The following CCL4L2 variants were observed in gnomAD, a reference collection of about 807,000 sequenced individuals.
CCL4L2 encodes C-C motif chemokine 4-like.
A neutral mutation model predicts 5.9 loss-of-function variants in CCL4L2; 3 were observed. That is an observed-to-expected ratio of 0.51 (90% CI 0.23 to 1.32). The LOEUF (loss-of-function observed/expected upper bound fraction) is 1.32. Among genes scored for constraint, CCL4L2 ranks in the 40% most tolerant of loss-of-function variants. The pLI is 0.18. For synonymous variants in CCL4L2, 36 were observed against 47.6 expected, an observed-to-expected ratio of 0.76 and a Z score of 1.00; for missense variants, 74 against 121.2, an observed-to-expected ratio of 0.61 and a Z score of 1.83.
intron 2 of CCL4L2, 186 bp downstream of exon 2, chr17:36,212,076 G>A: frequency 1.2e-6 from 1 of 811,950 alleles, no homozygotes. Context: ...CTGAGTGGCA[G>A]CCGAGACAGA....
chr17:36,212,213 T>G (rs1341090069), intron 2 of CCL4L2: 2 of 710,006 alleles, frequency 2.8e-6, no homozygotes, highest in African/African-American at 1.7e-5. Flanking sequence ...ACTACCAGGC[T>G]GGCAGGGAAT....
Position 36,212,524 on chromosome 17 carries a change from T to A in CCL4L2, c.*101T>A. 1 of 1,581,456 alleles carries A rather than the reference T, an allele frequency of 6.3e-7. No homozygotes were observed. The highest frequency in any genetic ancestry group is 8.6e-7 in the Non-Finnish European group (1 of 1,156,540). On this transcript the variant is annotated 3_prime_UTR_variant, in exon 3 of 3. Transcript: ENST00000617405. The stretch of plus-strand genomic sequence containing the variant: ...GCAAGCAAGTCTGCGCTGACCCCAG[T>A]GAGTCCTGGGTCCAGGAGTACGTGT...
rs1211063127 is a variant in CCL4L2, at chr17:36,212,525, G to A, written c.*102G>A. On this transcript the variant is annotated 3_prime_UTR_variant, in exon 3 of 3. Coordinates refer to ENST00000617405, the MANE Select transcript of CCL4L2 (RefSeq NM_001291475.2). ...CAAGCAAGTCTGCGCTGACCCCAGT[G>A]AGTCCTGGGTCCAGGAGTACGTGTA... The A allele has an allele frequency of 2.5e-6, 4 of 1,581,334 alleles. No individual in the cohort carries two copies. The highest frequency in any genetic ancestry group is 3.5e-6 in the Non-Finnish European group (4 of 1,156,560).
chr17:36,211,969 G>T, intron 2 of CCL4L2, 79 bp downstream of exon 2: 5 of 1,450,416 alleles, frequency 3.4e-6, no homozygotes, highest in African/African-American at 1.3e-5. Flanking sequence ...TGGGGAGGGG[G>T]TGATGAGCGT....
chr17:36,212,298 T>G lies in CCL4L2; in HGVS notation c.192-5T>G. Reference sequence around the variant, plus strand: ...GCAACCCCTGGGGCCCACAGCTAAATCCAGTGAGTGGAAGTTACAGGGAGT... The same window carrying G: ...GCAACCCCTGGGGCCCACAGCTAAAGCCAGTGAGTGGAAGTTACAGGGAGT... On this transcript the variant is annotated splice_polypyrimidine_tract_variant and splice_region_variant and intron_variant, in intron 2 of 2. Coordinates refer to ENST00000617405, the MANE Select transcript of CCL4L2 (RefSeq NM_001291475.2). 1.1e-6 allele frequency: 1 copy of G among 880,558 alleles called. No individual in the cohort carries two copies. The highest frequency in any genetic ancestry group is 1.4e-5 in the South Asian group (1 of 71,642). 54.5% of individuals were successfully genotyped at this position (880,558 alleles called of 1,614,324 possible). A position where few individuals can be genotyped will look rare whatever the true frequency, so the allele number is the denominator to read the frequency against.
rs1197025656 is a variant in CCL4L2, at chr17:36,212,756, G to A, written c.*333G>A. ...CATTATTTATATTAGTTTAGCCAAA[G>A]GATAAGTGTCCCCTATGGGGATGGT... On this transcript the variant is annotated 3_prime_UTR_variant, in exon 3 of 3. Transcript: ENST00000617405. 4 of 803,042 alleles carry A rather than the reference G, an allele frequency of 5.0e-6. No individual in the cohort carries two copies. Among genetic ancestry groups the A allele is most frequent in the African/African-American group, 4.6e-5 (3 of 65,392 alleles). The allele number at this position is 803,042 out of a possible 1,614,324, so 49.7% of individuals were successfully genotyped here.
At chr17:36,212,174 A>C in intron 2 of CCL4L2, 1 of 699,990 alleles carries the variant, frequency 1.4e-6, no homozygotes, top group South Asian at 1.5e-5. Context: ...AATTCCTTAA[A>C]CCATGCTAGA....
chr17:36,212,016 CA>C, intron 2 of CCL4L2, 126 bp downstream of exon 2: 1 of 1,143,732 alleles, frequency 8.7e-7, no homozygotes, highest in South Asian at 1.3e-5. Context: ...CCTTCCCTGA[CA>C]GCAGTGAGGT....
At position 36,212,124 on chromosome 17, in the gene CCL4L2, G is replaced by A. The variant is rs2068793512; in HGVS notation, c.192-179G>A. 2.5e-5 allele frequency: 18 copies of A among 706,398 alleles called. 2 individuals carry two copies. Among genetic ancestry groups the A allele is most frequent in the South Asian group, 2.3e-4 (15 of 64,908 alleles). The allele number at this position is 706,398 out of a possible 1,614,324, so 43.8% of individuals were successfully genotyped here. A position where few individuals can be genotyped will look rare whatever the true frequency, so the allele number is the denominator to read the frequency against. ...GGGAGGAAGTTATTCAGAGGACAGGGAAGCAGGGGAAGGCAGACAGGTCCC... is the reference window on the plus strand; with the variant it reads ...GGGAGGAAGTTATTCAGAGGACAGGAAAGCAGGGGAAGGCAGACAGGTCCC... On this transcript the variant is annotated intron_variant, in intron 2 of 2. Coordinates refer to ENST00000617405, the MANE Select transcript of CCL4L2 (RefSeq NM_001291475.2).
Position 36,212,348 on chromosome 17 carries a change from G to T in CCL4L2, c.237G>T (p.Lys79Asn), listed in dbSNP as rs1266467380. 7.1e-6 allele frequency: 8 copies of T among 1,120,842 alleles called. No individual in the cohort carries two copies. Among genetic ancestry groups the T allele is most frequent in the Non-Finnish European group, 9.6e-6 (7 of 732,890 alleles). 69.4% of individuals were successfully genotyped at this position (1,120,842 alleles called of 1,614,324 possible). The change falls in exon 3 of 3, where the codon AAG becomes AAT. Residue 79 changes from lysine to asparagine, a missense_variant. By Grantham distance (94) the Lys-to-Asn change is moderately conservative. Coordinates refer to ENST00000617405, the MANE Select transcript of CCL4L2 (RefSeq NM_001291475.2). ...TCTGCTTCCAGTGCTGCTCCGGGAA[G>T]GATCCCATCCACCAGAGCTGCCCCA...
In CCL4L2 at chr17:36,212,646, A is replaced by G. The variant is rs2068811241; in HGVS notation, c.*223A>G. 4 of 1,468,242 alleles carry G rather than the reference A, an allele frequency of 2.7e-6. 1 individual carries two copies. Among genetic ancestry groups the G allele is most frequent in the Admixed American group, 1.7e-5 (1 of 58,544 alleles). 91.0% of individuals were successfully genotyped at this position (1,468,242 alleles called of 1,614,324 possible). On this transcript the variant is annotated 3_prime_UTR_variant, in exon 3 of 3. Coordinates refer to ENST00000617405, the MANE Select transcript of CCL4L2 (RefSeq NM_001291475.2). ...TCTCCATGAGCCGCATCTCCTCCAT[A>G]CTCAGGACTCCTCTCCGCAGTTCCT...
intron 2 of CCL4L2, chr17:36,212,098 G>C: frequency 1.3e-6 from 1 of 744,828 alleles, no homozygotes; most frequent in Non-Finnish European, 2.4e-6. Flanking sequence ...GGGGGTTCCT[G>C]GGGAGGAAGT....
chr17:36,212,363 G>A lies in CCL4L2; in HGVS notation c.252G>A (p.Gln84=), dbSNP rs2068801611. ...GCTCCGGGAAGGATCCCATCCACCA[G>A]AGCTGCCCCACATGGACCATGGTCA... is the stretch of plus-strand genomic sequence containing the variant. The change falls in exon 3 of 3, where the codon CAG becomes CAA. Residue 84 remains glutamine (Q), a synonymous_variant. Transcript: ENST00000617405. The A allele has an allele frequency of 5.6e-6, 7 of 1,256,200 alleles. No homozygotes were observed. The highest frequency in any genetic ancestry group is 8.2e-6 in the Non-Finnish European group (7 of 855,902). The allele number at this position is 1,256,200 out of a possible 1,614,324, so 77.8% of individuals were successfully genotyped here. A position where few individuals can be genotyped will look rare whatever the true frequency, so the allele number is the denominator to read the frequency against.
chr17:36,212,274 C>G, intron 2 of CCL4L2: 1 of 798,918 alleles, frequency 1.3e-6, no homozygotes. Context: ...CTAATCTGGG[C>G]AACCCCTGGG....
At position 36,211,700 on chromosome 17, in the gene CCL4L2, T is replaced by C. The variant is rs1490425654; in HGVS notation, c.77-76T>C. On this transcript the variant is annotated intron_variant, in intron 1 of 2. Transcript: ENST00000617405. The stretch of plus-strand genomic sequence containing the variant: ...CTGGTAGCTCCACAGGGATGCTCAA[T>C]GAAGATGCAAAATTAGAAGTCAAAA... The C allele has an allele frequency of 6.7e-6, 10 of 1,490,796 alleles. 1 individual carries two copies. Among genetic ancestry groups the C allele is most frequent in the South Asian group, 2.3e-5 (2 of 86,668 alleles). 92.3% of individuals were successfully genotyped at this position (1,490,796 alleles called of 1,614,324 possible).
chr17:36,212,856 T>C lies in CCL4L2; in HGVS notation c.*433T>C. Reference sequence around the variant, plus strand: ...ATTCCATGTGTTTTCATAATAAAACTTTAAAATAAAATGCAAACAGTTTCT... The same window carrying C: ...ATTCCATGTGTTTTCATAATAAAACCTTAAAATAAAATGCAAACAGTTTCT... On this transcript the variant is annotated 3_prime_UTR_variant, in exon 3 of 3. Transcript: ENST00000617405. The C allele has an allele frequency of 2.0e-6, 1 of 495,384 alleles. No individual in the cohort carries two copies. Among genetic ancestry groups the C allele is most frequent in the Non-Finnish European group, 3.8e-6 (1 of 266,404 alleles). 30.7% of individuals were successfully genotyped at this position (495,384 alleles called of 1,614,324 possible).
In CCL4L2 at chr17:36,211,693, T is replaced by C; in HGVS notation, c.77-83T>C. 10 of 1,448,320 alleles carry C rather than the reference T, an allele frequency of 6.9e-6. 1 individual carries two copies. The highest frequency in any genetic ancestry group is 9.6e-6 in the Non-Finnish European group (10 of 1,038,124). 89.7% of individuals were successfully genotyped at this position (1,448,320 alleles called of 1,614,324 possible). On this transcript the variant is annotated intron_variant, in intron 1 of 2. Coordinates refer to ENST00000617405, the MANE Select transcript of CCL4L2 (RefSeq NM_001291475.2). ...TGGGGTTCTGGTAGCTCCACAGGGA[T>C]GCTCAATGAAGATGCAAAATTAGAA...
At position 36,211,964 on chromosome 17, in the gene CCL4L2, AG is replaced by A. The variant is rs1449137083; in HGVS notation, c.191+79del. The A allele has an allele frequency of 9.7e-6, 14 of 1,449,078 alleles. No individual in the cohort carries two copies. The Admixed American group carries it at 1.6e-4, about 16-fold the overall frequency. The allele number at this position is 1,449,078 out of a possible 1,614,324, so 89.8% of individuals were successfully genotyped here. A position where few individuals can be genotyped will look rare whatever the true frequency, so the allele number is the denominator to read the frequency against. On this transcript the variant is annotated intron_variant, in intron 2 of 2. Coordinates refer to ENST00000617405, the MANE Select transcript of CCL4L2 (RefSeq NM_001291475.2). ...TTTTTAAAGGGGGCCTGTTTTGGGG[AG>A]GGGGTGATGAGCGTTGGGGAGGCAG...
chr17:36,212,132 G>A, intron 2 of CCL4L2: 2 of 705,018 alleles, frequency 2.8e-6, no homozygotes, highest in Admixed American at 4.1e-5. Flanking sequence ...GGGAAGCAGG[G>A]GAAGGCAGAC....
Sources: allele counts gnomAD v4.1 joint callset, GRCh38; gene constraint gnomAD v4.1.1; transcripts MANE v1.5; gene names NCBI Gene and HGNC (gene_info 2026-07-23, HGNC 2026-07-21).